The following INPP5F variants were observed in gnomAD, a reference collection of about 807,000 sequenced individuals.
The protein encoded by INPP5F is inositol polyphosphate-5-phosphatase F, also known as phosphatidylinositide 4-phosphatase SAC2.
INPP5F carries 97 observed loss-of-function variants against 137.2 expected under a neutral mutation model. The ratio of observed to expected loss-of-function variants is 0.71; its 90% confidence interval spans 0.60 to 0.84. The LOEUF is 0.84. Ranked by LOEUF, INPP5F falls within the 40% of genes least tolerant of loss-of-function variation. INPP5F has a pLI of 0.00. For missense variants in INPP5F, 1,271 were observed against 1,371.9 expected (o/e 0.93, Z 1.16); for synonymous variants, 504 against 476.9 (o/e 1.06, Z -0.74).
chr10:119,780,037 CAGT>C (rs1849652533), intron 2 of INPP5F, among the ~76,000 whole-genome samples: 1 of 152,098 alleles, frequency 6.6e-6, no homozygotes, highest in Non-Finnish European at 1.5e-5. Context: ...ACTAGCAGTG[CAGT>C]AGGTTTATAC....
In INPP5F at chr10:119,827,429, CT is replaced by C; in HGVS notation, c.3049del (p.Ser1017LeufsTer39). 1 of 1,614,168 alleles carries C rather than the reference CT, an allele frequency of 6.2e-7. No homozygotes were observed. Among genetic ancestry groups the C allele is most frequent in the Non-Finnish European group, 8.5e-7 (1 of 1,180,014 alleles). On this transcript the variant is annotated frameshift_variant, in exon 20 of 20. Coordinates refer to ENST00000650623, the MANE Select transcript of INPP5F (RefSeq NM_014937.4). LOFTEE classifies it high-confidence loss of function. ...TPSRPSQLDVSLSATGPQFLS... is the reference protein window; with the variant it reads ...TPSRPSQLDVXLSATGPQFLS... ...CTTCTCGGCCATCGCAATTAGATGTCTCTCTTTCTGCAACAGGCCCACAGTT... is the reference window on the plus strand; with the variant it reads ...CTTCTCGGCCATCGCAATTAGATGTCCTCTTTCTGCAACAGGCCCACAGTT...
At chr10:119,728,553 T>C (rs1030641596) in intron 1 of INPP5F, among the ~76,000 whole-genome samples, 7 of 152,266 alleles carry the variant, frequency 4.6e-5, no homozygotes, top group Admixed American at 1.3e-4. Context: ...AATAGATTAC[T>C]AAGTCCTTTT....
chr10:119,817,973 G>T (rs1851347614), intron 15 of INPP5F, among the ~76,000 whole-genome samples: 1 of 152,218 alleles, frequency 6.6e-6, no homozygotes, highest in Admixed American at 6.5e-5. Flanking sequence ...AAACAGGCAA[G>T]CATTCTGGAA....
intron 15 of INPP5F, among the ~76,000 whole-genome samples, chr10:119,814,091 C>T (rs958580436): frequency 1.3e-5 from 2 of 152,000 alleles, no homozygotes; most frequent in Non-Finnish European, 2.9e-5. Context: ...TGTTCATCTT[C>T]TTTAATTAAA....
At chr10:119,744,850 C>T (rs951151153) in intron 1 of INPP5F, among the ~76,000 whole-genome samples, 3 of 152,198 alleles carry the variant, frequency 2.0e-5, no homozygotes, top group Admixed American at 6.5e-5. Flanking sequence ...CTAGTCCCTC[C>T]TCTCGTTCTT....
chr10:119,741,491 T>C (rs1589666804), intron 1 of INPP5F, among the ~76,000 whole-genome samples: 2 of 152,244 alleles, frequency 1.3e-5, no homozygotes, highest in South Asian at 4.1e-4. Context: ...TTAAGCAGCC[T>C]GCTAGAGGCC....
intron 19 of INPP5F, among the ~76,000 whole-genome samples, chr10:119,824,747 G>A (rs185395967): frequency 7.2e-5 from 11 of 152,168 alleles, no homozygotes; most frequent in Non-Finnish European, 1.5e-4. Context: ...AATTATTCCT[G>A]TCATGATCTA....
intron 1 of INPP5F, among the ~76,000 whole-genome samples, chr10:119,742,973 CAA>C (rs1472796093): frequency 6.6e-6 from 1 of 152,128 alleles, no homozygotes; most frequent in South Asian, 2.1e-4. Flanking sequence ...GCCTGGGCGA[CAA>C]GAGTGAAACT....
intron 2 of INPP5F, among the ~76,000 whole-genome samples, chr10:119,754,352 G>T (rs955824204): frequency 6.6e-6 from 1 of 152,154 alleles, no homozygotes; most frequent in Non-Finnish European, 1.5e-5. Flanking sequence ...TCAAAGTATG[G>T]TCATTTAGGA....
chr10:119,727,675 A>G (rs984281507), intron 1 of INPP5F, among the ~76,000 whole-genome samples: 1 of 152,208 alleles, frequency 6.6e-6, no homozygotes, highest in African/African-American at 2.4e-5. Context: ...TTTTCTTGCT[A>G]TTACGTTGTA....
chr10:119,758,030 G>A (rs776860983), intron 2 of INPP5F, among the ~76,000 whole-genome samples: 2 of 152,126 alleles, frequency 1.3e-5, no homozygotes, highest in Non-Finnish European at 2.9e-5. Context: ...TGTGTCCCAT[G>A]GCCTGTACTC....
At chr10:119,796,617 C>A in intron 6 of INPP5F, 98 bp from the exon 7 acceptor site, 1 of 959,910 alleles carries the variant, frequency 1.0e-6, no homozygotes, top group Non-Finnish European at 1.7e-6. Context: ...GTTTCTGCTT[C>A]TAATAAACTG....
chr10:119,760,730 G>A (rs1199356947), intron 2 of INPP5F, among the ~76,000 whole-genome samples: 1 of 152,206 alleles, frequency 6.6e-6, no homozygotes, highest in African/African-American at 2.4e-5. Flanking sequence ...TGGATAGCAG[G>A]TCTGTTACAG....
At chr10:119,802,246 G>A (rs370097366) in intron 9 of INPP5F, among the ~76,000 whole-genome samples, 7 of 151,374 alleles carry the variant, frequency 4.6e-5, no homozygotes, top group African/African-American at 1.7e-4. Context: ...GCTCTCTCAA[G>A]ACTGTGAAGG....
chr10:119,767,868 A>G (rs532996328), intron 2 of INPP5F, among the ~76,000 whole-genome samples: 127 of 152,366 alleles, frequency 8.3e-4, no homozygotes, highest in African/African-American at 3.0e-3. Flanking sequence ...GCATCTAAGT[A>G]TAACCTTAAA....
chr10:119,784,516 C>G (rs190510202), intron 3 of INPP5F, among the ~76,000 whole-genome samples: 709 of 152,292 alleles, frequency 4.7e-3, no homozygotes, highest in Non-Finnish European at 7.7e-3. Flanking sequence ...TTTATTCCAG[C>G]AGCATCCTTT....
Position 119,796,775 on chromosome 10 carries a change from C to T in INPP5F, c.730C>T (p.Leu244Phe). The change falls in exon 7 of 20, where the codon CTT becomes TTT. Residue 244 changes from leucine to phenylalanine, a missense_variant. By Grantham distance (22) the Leu-to-Phe change is conservative. Coordinates refer to ENST00000650623, the MANE Select transcript of INPP5F (RefSeq NM_014937.4). ...MIQGFVQIEE[L>F]VVNYTESSDD... Reference sequence around the variant, plus strand: ...CCAAGGTTTTGTGCAGATTGAAGAACTTGTGGTTAATTATACCGAATCATC... The same window carrying T: ...CCAAGGTTTTGTGCAGATTGAAGAATTTGTGGTTAATTATACCGAATCATC... The T allele has an allele frequency of 1.2e-6, 2 of 1,613,528 alleles. No homozygotes were observed. The highest frequency in any genetic ancestry group is 8.5e-7 in the Non-Finnish European group (1 of 1,179,834).
chr10:119,743,422 C>T (rs1379952091), intron 1 of INPP5F, among the ~76,000 whole-genome samples: 1 of 152,116 alleles, frequency 6.6e-6, no homozygotes, highest in Non-Finnish European at 1.5e-5. Flanking sequence ...ATGACATGCA[C>T]TAAACCAAAG....
At chr10:119,809,833 A>G (rs1850957595) in intron 13 of INPP5F, among the ~76,000 whole-genome samples, 1 of 152,212 alleles carries the variant, frequency 6.6e-6, no homozygotes, top group Non-Finnish European at 1.5e-5. Flanking sequence ...AATTCTAGAA[A>G]TTCTACAAAT....
Sources: gnomAD v4.1 joint callset for allele counts (sites outside exome capture counted in the v4.1 genomes callset) on GRCh38, gnomAD v4.1.1 for gene constraint, MANE v1.5 for transcripts, NCBI Gene and HGNC (gene_info 2026-07-23, HGNC 2026-07-21) for gene names.